The following PLPPR1 variants were observed in gnomAD, a reference collection of about 807,000 sequenced individuals.
PLPPR1 encodes phospholipid phosphatase related 1.
PLPPR1 carries 10 observed loss-of-function variants against 33.1 expected under a neutral mutation model. That is an observed-to-expected ratio of 0.30 (90% CI 0.19 to 0.51). The LOEUF is 0.51. PLPPR1 is among the 20% of genes least tolerant of loss of function. The pLI is 0.97. For synonymous variants in PLPPR1, 151 were observed against 151.0 expected (o/e 1.00, Z 0.00); for missense variants, 304 against 408.1 (o/e 0.74, Z 2.20).
chr9:101,217,198 A>T (rs1826816558), intron 2 of PLPPR1, among the ~76,000 whole-genome samples: 1 of 152,326 alleles, frequency 6.6e-6, no homozygotes, highest in Middle Eastern at 3.4e-3. Flanking sequence ...AATTATTGAA[A>T]GAAATTATCT....
rs529245557 is a variant in PLPPR1, at chr9:101,290,681, T to TA, written c.385+4452dup. Reference sequence around the variant, plus strand: ...TTAAGTTAGATATCTCTAATTTTTTTAAAAAAATGAGGCCATTATAAGTTG... The same window carrying TA: ...TTAAGTTAGATATCTCTAATTTTTTTAAAAAAAATGAGGCCATTATAAGTTG... On this transcript the variant is annotated intron_variant, in intron 4 of 7. Transcript: ENST00000374874. Among the ~76,000 whole-genome samples the TA allele has an allele frequency of 5.6e-3, 858 of 152,334 alleles. 6 individuals are homozygous for TA. The highest frequency in any genetic ancestry group is 0.019 in the African/African-American group (798 of 41,578).
intron 1 of PLPPR1, among the ~76,000 whole-genome samples, chr9:101,180,195 C>G (rs1826085502): frequency 7.2e-6 from 1 of 139,442 alleles, no homozygotes; most frequent in Non-Finnish European, 1.6e-5. Context: ...CATATATACA[C>G]ATACACACAC....
intron 2 of PLPPR1, among the ~76,000 whole-genome samples, chr9:101,251,251 T>C (rs182575798): frequency 6.6e-6 from 1 of 152,258 alleles, no homozygotes; most frequent in East Asian, 1.9e-4. Context: ...TAGTAGGTGC[T>C]CAGCAAAAGT....
intron 2 of PLPPR1, among the ~76,000 whole-genome samples, chr9:101,221,193 C>T (rs1826927261): frequency 1.3e-5 from 2 of 152,146 alleles, no homozygotes; most frequent in African/African-American, 4.8e-5. Flanking sequence ...TACCCATCAC[C>T]TGAGCAGTAT....
chr9:101,194,623 C>T (rs779504719), intron 2 of PLPPR1, among the ~76,000 whole-genome samples: 16 of 151,886 alleles, frequency 1.1e-4, no homozygotes, highest in African/African-American at 2.2e-4. Context: ...TGGTGGTGCA[C>T]GCCTGTAATC....
chr9:101,191,742 A>G (rs997761069), intron 2 of PLPPR1, among the ~76,000 whole-genome samples: 1 of 152,140 alleles, frequency 6.6e-6, no homozygotes, highest in African/African-American at 2.4e-5. Flanking sequence ...AGAAAATTTT[A>G]CCGTGTTCTC....
intron 2 of PLPPR1, among the ~76,000 whole-genome samples, chr9:101,228,597 CTTAATAAAT>C (rs1474171729): frequency 6.6e-6 from 1 of 151,988 alleles, no homozygotes; most frequent in Non-Finnish European, 1.5e-5. Context: ...AGGTAAATAA[CTTAATAAAT>C]TTAAACAAAA....
chr9:101,255,637 GA>G (rs1827787028), intron 2 of PLPPR1, among the ~76,000 whole-genome samples: 4 of 152,054 alleles, frequency 2.6e-5, no homozygotes, highest in Non-Finnish European at 5.9e-5. Flanking sequence ...TCTTATTTAA[GA>G]AATGCATCTT....
At chr9:101,195,686 C>T (rs926259598) in intron 2 of PLPPR1, among the ~76,000 whole-genome samples, 3 of 152,166 alleles carry the variant, frequency 2.0e-5, no homozygotes, top group Non-Finnish European at 4.4e-5. Context: ...TATCTGGCAT[C>T]TCCCAGCTTC....
chr9:101,037,664 C>A (rs1277218857), intron 1 of PLPPR1, among the ~76,000 whole-genome samples: 1 of 152,142 alleles, frequency 6.6e-6, no homozygotes, highest in East Asian at 1.9e-4. Context: ...TTCCAGGCAA[C>A]CCACACACTC....
intron 2 of PLPPR1, among the ~76,000 whole-genome samples, chr9:101,217,762 A>G (rs938935741): frequency 2.0e-5 from 3 of 152,212 alleles, no homozygotes; most frequent in African/African-American, 7.2e-5. Context: ...ATTGAAAATA[A>G]CCATATATTA....
At chr9:101,120,592 T>C (rs1178478217) in intron 1 of PLPPR1, among the ~76,000 whole-genome samples, 1 of 152,198 alleles carries the variant, frequency 6.6e-6, no homozygotes, top group East Asian at 1.9e-4. Flanking sequence ...ATAAGATAAG[T>C]GCCATCTCCT....
intron 1 of PLPPR1, among the ~76,000 whole-genome samples, chr9:101,110,603 A>C (rs185925183): frequency 2.2e-4 from 34 of 152,246 alleles, no homozygotes; most frequent in African/African-American, 8.2e-4. Context: ...AATCTAGTAA[A>C]ATTATCAAAA....
intron 6 of PLPPR1, among the ~76,000 whole-genome samples, chr9:101,316,335 G>A (rs901042153): frequency 6.6e-6 from 1 of 152,026 alleles, no homozygotes. Flanking sequence ...TACTCGGGAG[G>A]CTGAGGCAGG....
At chr9:101,070,808 T>C (rs1435265502) in intron 1 of PLPPR1, among the ~76,000 whole-genome samples, 1 of 152,124 alleles carries the variant, frequency 6.6e-6, no homozygotes, top group Non-Finnish European at 1.5e-5. Context: ...AGAATGTAAA[T>C]TCAACGAGCG....
chr9:101,175,863 G>T (rs539969748), intron 1 of PLPPR1, among the ~76,000 whole-genome samples: 1 of 152,248 alleles, frequency 6.6e-6, no homozygotes, highest in South Asian at 2.1e-4. Context: ...GATGAAGTAA[G>T]ACATACTTTT....
At chr9:101,317,536 G>A in intron 7 of PLPPR1, 40 bp downstream of exon 7, 1 of 1,593,496 alleles carries the variant, frequency 6.3e-7, no homozygotes, top group Non-Finnish European at 8.6e-7. Flanking sequence ...CCCACAGGCT[G>A]AACACTTTGG....
In PLPPR1 at chr9:101,290,858, G is replaced by A. The variant is rs186013274; in HGVS notation, c.385+4622G>A. On this transcript the variant is annotated intron_variant, in intron 4 of 7. Coordinates refer to ENST00000374874, the MANE Select transcript of PLPPR1 (RefSeq NM_207299.2). ...GTCTACAGCTCTCAGCGTGAGTGAC[G>A]CAGAAGATGGGTGATTTCTGCATTT... Among the ~76,000 whole-genome samples, 510 of 152,338 alleles carry A rather than the reference G, an allele frequency of 3.3e-3. 2 individuals are homozygous for A. Among genetic ancestry groups the A allele is most frequent in the Non-Finnish European group, 5.4e-3 (365 of 68,034 alleles).
intron 2 of PLPPR1, among the ~76,000 whole-genome samples, chr9:101,253,773 T>C (rs1326101579): frequency 6.6e-6 from 1 of 152,136 alleles, no homozygotes; most frequent in Non-Finnish European, 1.5e-5. Flanking sequence ...TTGAATTAAT[T>C]ATACTGCCCA....
Sources: gnomAD v4.1 joint callset for allele counts (sites outside exome capture counted in the v4.1 genomes callset) on GRCh38, gnomAD v4.1.1 for gene constraint, MANE v1.5 for transcripts, NCBI Gene and HGNC (gene_info 2026-07-23, HGNC 2026-07-21) for gene names.